Variants in KIF13A observed in about 807,000 individuals in gnomAD.
KIF13A encodes the protein kinesin family member 13A.
In KIF13A, 79 loss-of-function variants were observed where a neutral mutation model predicts 212.2. That is an observed-to-expected ratio of 0.37 (90% CI 0.31 to 0.45). The LOEUF (loss-of-function observed/expected upper bound fraction) is 0.45. Ranked by LOEUF, KIF13A falls within the 20% of genes least tolerant of loss-of-function variation. KIF13A has a pLI of 1.00. For synonymous variants in KIF13A, 789 were observed against 808.6 expected (o/e 0.98, Z 0.41); for missense variants, 1,901 against 2,209.0 (o/e 0.86, Z 2.79).
chr6:17,960,032 A>C (rs1407232476), intron 2 of KIF13A, among the ~76,000 whole-genome samples: 2 of 152,026 alleles, frequency 1.3e-5, no homozygotes, highest in Non-Finnish European at 2.9e-5. Flanking sequence ...CAAAAAAAAA[A>C]AAACAACAAC....
At chr6:17,763,490 A>G (rs984311146), downstream of KIF13A, among the ~76,000 whole-genome samples, 4 of 144,950 alleles carry the variant, frequency 2.8e-5, no homozygotes, top group Admixed American at 1.3e-4. Context: ...AAAAAAAAAA[A>G]AAAAAGAAAA....
chr6:17,957,535 C>T (rs1361549831), intron 2 of KIF13A, among the ~76,000 whole-genome samples: 1 of 152,174 alleles, frequency 6.6e-6, no homozygotes, highest in Non-Finnish European at 1.5e-5. Context: ...AGAAGGGGTC[C>T]TGGAAACCCC....
chr6:17,946,853 G>C (rs1777444142), intron 2 of KIF13A, among the ~76,000 whole-genome samples: 1 of 152,208 alleles, frequency 6.6e-6, no homozygotes, highest in African/African-American at 2.4e-5. Flanking sequence ...GGAATACCAT[G>C]CAACAGCAAA....
At chr6:17,909,844 G>A (rs542192099) in intron 2 of KIF13A, among the ~76,000 whole-genome samples, 149 of 152,100 alleles carry the variant, frequency 9.8e-4, no homozygotes, top group African/African-American at 3.4e-3. Flanking sequence ...GAGATTGCAC[G>A]ACTGCACTCT....
chr6:17,831,059 G>T (rs764282181), intron 13 of KIF13A, 42 bp downstream of exon 13: 1 of 1,573,192 alleles, frequency 6.4e-7, no homozygotes, highest in Non-Finnish European at 8.7e-7. Context: ...GAACTGTATA[G>T]GAATGAATCT....
intron 32 of KIF13A, 117 bp from the exon 33 acceptor site, chr6:17,779,216 A>T: frequency 1.7e-6 from 1 of 595,284 alleles, no homozygotes; most frequent in Non-Finnish European, 2.8e-6. Context: ...TTATTTAGAT[A>T]CTGATATTTT....
At chr6:17,973,456 A>C (rs528848794) in intron 2 of KIF13A, among the ~76,000 whole-genome samples, 1 of 152,202 alleles carries the variant, frequency 6.6e-6, no homozygotes, top group South Asian at 2.1e-4. Context: ...TGCAAACCAA[A>C]CCTCCCAAGA....
intron 38 of KIF13A, among the ~76,000 whole-genome samples, chr6:17,766,106 G>C (rs1219560449): frequency 6.6e-6 from 1 of 152,146 alleles, no homozygotes; most frequent in Non-Finnish European, 1.5e-5. Flanking sequence ...TGGTCATCTG[G>C]TTTAAAGCAT....
At chr6:17,890,790 C>CTAATAATAATAATAATAATAATAATAA (rs71536760) in intron 3 of KIF13A, among the ~76,000 whole-genome samples, 22 of 139,138 alleles carry the variant, frequency 1.6e-4, no homozygotes, top group African/African-American at 4.9e-4. Context: ...CTATGCCCAG[C>CTAATAATAATAATAATAATAATAATAA]TAATAATAAT....
At chr6:17,817,630 A>T (rs528550969) in intron 16 of KIF13A, among the ~76,000 whole-genome samples, 59 of 152,324 alleles carry the variant, frequency 3.9e-4, no homozygotes, top group Non-Finnish European at 6.0e-4. Context: ...ATCTTTCTTT[A>T]TGGTAATTCA....
At position 17,837,429 on chromosome 6, in the gene KIF13A, A is replaced by C; in HGVS notation, c.942+43T>G. On this transcript the variant is annotated intron_variant, in intron 10 of 38. Coordinates refer to ENST00000259711, the MANE Select transcript of KIF13A (RefSeq NM_022113.6). This position sits in a 1 kb window ranked among gnomAD's most constrained non-coding sequence, Gnocchi z 5.4. ...ACCTTTACTCTGTCACATCTGGAAT[A>C]GCCAATTTTTAGTTGGAAAAGAACA... 1 of 1,365,776 alleles carries C rather than the reference A, an allele frequency of 7.3e-7. No homozygotes were observed. Among genetic ancestry groups the C allele is most frequent in the African/African-American group, 1.4e-5 (1 of 69,872 alleles). The allele number at this position is 1,365,776 out of a possible 1,614,324, so 84.6% of individuals were successfully genotyped here.
At position 17,834,008 on chromosome 6, in the gene KIF13A, T is replaced by A; in HGVS notation, c.1219A>T (p.Thr407Ser). ...EESEKLIKEL[T>S]VTWEEKLRKT... ...CTCAGCTTCTCTTCCCAAGTCACTG[T>A]TAGTTCTTTTATCAGCTTTTCAGAC... Residue 407 changes from threonine to serine, a missense_variant, in exon 12 of 39, where the codon ACA (threonine) becomes TCA (serine). By Grantham distance (58) the Thr-to-Ser change is moderately conservative (BLOSUM62 1). Around this residue, in one of 5 missense-constraint regions of KIF13A, gnomAD observed 506 missense variants for 637.4 expected, o/e 0.79. Transcript: ENST00000259711. The surrounding 1 kb of genome is among the most constrained non-coding windows in gnomAD (Gnocchi z 4.0). 3 of 1,604,596 alleles carry A rather than the reference T, an allele frequency of 1.9e-6. No homozygotes were observed. Among genetic ancestry groups the A allele is most frequent in the Non-Finnish European group, 2.5e-6 (3 of 1,177,900 alleles).
chr6:17,854,546 ATTTTTTTTTTTTTT>A (rs36073765), intron 6 of KIF13A, among the ~76,000 whole-genome samples: 1 of 77,094 alleles, frequency 1.3e-5, no homozygotes, highest in Non-Finnish European at 2.3e-5. Flanking sequence ...AATCAGTATA[ATTTTTTTTTTTTTT>A]TTTTTTTTTT....
In KIF13A at chr6:17,892,223, T is replaced by C. The variant is rs958117604; in HGVS notation, c.159+5945A>G. Among the ~76,000 whole-genome samples, 1 of 152,248 alleles carries C rather than the reference T, an allele frequency of 6.6e-6. No individual in the cohort carries two copies. Among genetic ancestry groups the C allele is most frequent in the African/African-American group, 2.4e-5 (1 of 41,470 alleles). ...AATCCGAGACATCTCTGACTCTTGA[T>C]ATACTGTCTTCTCCTATATGCTGTT... On this transcript the variant is annotated intron_variant, in intron 3 of 38. Coordinates refer to ENST00000259711, the MANE Select transcript of KIF13A (RefSeq NM_022113.6). This position sits in a 1 kb window ranked among gnomAD's most constrained non-coding sequence, Gnocchi z 4.7.
rs572079812 is a variant in KIF13A at position 17,766,881 on chromosome 6, TACTC to T, written c.4582-1939_4582-1936del. Among the ~76,000 whole-genome samples the T allele has an allele frequency of 5.0e-4, 76 of 152,364 alleles. 1 individual carries two copies. The Middle Eastern group carries it at 0.01, about 20-fold the overall frequency. On this transcript the variant is annotated intron_variant, in intron 38 of 38. Transcript: ENST00000259711. Reference sequence around the variant, plus strand: ...TCTATATACCTCAAAAAAAGTTTAATACTCTCTTAAATGCTTCTCAGCTTTTAAA... The same window carrying T: ...TCTATATACCTCAAAAAAAGTTTAATTCTTAAATGCTTCTCAGCTTTTAAA...
At chr6:17,852,564 C>T (rs1195285452) in intron 6 of KIF13A, among the ~76,000 whole-genome samples, 2 of 152,126 alleles carry the variant, frequency 1.3e-5, no homozygotes, top group Non-Finnish European at 2.9e-5. Flanking sequence ...ACTACAGGCC[C>T]ATGCCACTAT....
intron 31 of KIF13A, among the ~76,000 whole-genome samples, chr6:17,780,377 G>A (rs114976086): frequency 1.3e-5 from 2 of 152,220 alleles, no homozygotes; most frequent in African/African-American, 4.8e-5. Flanking sequence ...GTAGGATAGG[G>A]ATTTGTTTGG....
chr6:17,951,385 C>T lies in KIF13A; in HGVS notation c.146+35669G>A. On this transcript the variant is annotated intron_variant, in intron 2 of 38. Coordinates refer to ENST00000259711, the MANE Select transcript of KIF13A (RefSeq NM_022113.6). The surrounding 1 kb of genome is among the most constrained non-coding windows in gnomAD (Gnocchi z 4.9). ...GGCTCAAGTGATCCTCTTGCCTTGG[C>T]CTCCCAAAGTGCTGGAATTAGAGAT... The T allele has an allele frequency of 1.6e-6, 1 of 630,172 alleles. No homozygotes were observed. 39.0% of individuals were successfully genotyped at this position (630,172 alleles called of 1,614,324 possible). A position where few individuals can be genotyped will look rare whatever the true frequency, so the allele number is the denominator to read the frequency against.
chr6:17,939,474 G>C (rs575505986), intron 2 of KIF13A, among the ~76,000 whole-genome samples: 29 of 152,288 alleles, frequency 1.9e-4, no homozygotes, highest in African/African-American at 6.7e-4. Context: ...TGACCATTCT[G>C]TCGGAGGCAT....
Sources: allele counts gnomAD v4.1 joint callset (sites outside exome capture counted in the v4.1 genomes callset), GRCh38; gene constraint gnomAD v4.1.1; regional missense constraint gnomAD v4.1.1; non-coding constraint Gnocchi (gnomAD v3.1); transcripts MANE v1.5; gene names NCBI Gene and HGNC (gene_info 2026-07-23, HGNC 2026-07-21).